MACROD2: variants seen among roughly 807,000 people sequenced by gnomAD.
MACROD2 encodes mono-ADP ribosylhydrolase 2.
Under a neutral mutation model 70.4 loss-of-function variants are expected in MACROD2, and 36 were observed. The observed-to-expected ratio is 0.51, with a 90% CI of 0.39 to 0.68. The LOEUF (loss-of-function observed/expected upper bound fraction) is 0.68, where lower values mean the gene tolerates loss of function less well. Among genes scored for constraint, MACROD2 ranks in the 30% least tolerant of loss-of-function variants. The pLI, the probability that MACROD2 is intolerant of heterozygous loss-of-function variation, is 0.00. For missense variants in MACROD2, 496 were observed against 538.4 expected, an observed-to-expected ratio of 0.92 and a Z score of 0.78; for synonymous variants, 172 against 178.8, an observed-to-expected ratio of 0.96 and a Z score of 0.30.
At chr20:14,494,311 G>A (rs991334107) in intron 4 of MACROD2, among the ~76,000 whole-genome samples, 22 of 151,878 alleles carry the variant, frequency 1.4e-4, no homozygotes, top group African/African-American at 5.1e-4. Flanking sequence ...CTTACACACA[G>A]TTGAAACAGA....
intron 6 of MACROD2, among the ~76,000 whole-genome samples, chr20:15,241,345 T>C (rs1286971627): frequency 6.6e-6 from 1 of 152,216 alleles, no homozygotes; most frequent in Non-Finnish European, 1.5e-5. Flanking sequence ...TCATTATTGT[T>C]AATAGATGGT....
intron 8 of MACROD2, among the ~76,000 whole-genome samples, chr20:15,536,661 A>G (rs1298996070): frequency 1.3e-5 from 2 of 152,196 alleles, no homozygotes; most frequent in African/African-American, 2.4e-5. Flanking sequence ...GCCCATCTAA[A>G]GATTTGTTGA....
chr20:15,244,813 A>G lies in MACROD2; in HGVS notation c.540+14752A>G, dbSNP rs1011883368. Reference sequence around the variant, plus strand: ...AACAGTAGTAAAGGCACACTCTGCAAACATTTCTGTCTGCATTACCTAAAA... The same window carrying G: ...AACAGTAGTAAAGGCACACTCTGCAGACATTTCTGTCTGCATTACCTAAAA... On this transcript the variant is annotated intron_variant, in intron 6 of 17. Transcript: ENST00000684519. Among the ~76,000 whole-genome samples the G allele has an allele frequency of 2.0e-5, 3 of 152,334 alleles. No individual in the cohort carries two copies. The East Asian group carries it at 5.8e-4, about 29-fold the overall frequency.
intron 2 of MACROD2, among the ~76,000 whole-genome samples, chr20:14,034,350 A>G (rs566571280): frequency 6.6e-6 from 1 of 152,286 alleles, no homozygotes; most frequent in African/African-American, 2.4e-5. Flanking sequence ...ATCACCCCCT[A>G]TTCATAAGCA....
chr20:15,793,525 T>G (rs1002035995), intron 8 of MACROD2, among the ~76,000 whole-genome samples: 63 of 152,216 alleles, frequency 4.1e-4, no homozygotes, highest in African/African-American at 1.4e-3. Context: ...GCATTTTAAT[T>G]TTTTCTTTAT....
intron 5 of MACROD2, among the ~76,000 whole-genome samples, chr20:15,132,430 A>T (rs1248191986): frequency 2.6e-5 from 4 of 152,050 alleles, no homozygotes; most frequent in African/African-American, 7.2e-5. Flanking sequence ...GGATGGATTG[A>T]TGAAAGAATG....
chr20:14,554,432 G>A (rs1535215), intron 4 of MACROD2: 149,248 of 152,236 alleles, frequency 0.98, 73,233 homozygotes, highest in East Asian at 1. Context: ...ATCTGTGGTG[G>A]GAATTCCAGA....
At chr20:14,413,082 T>C (rs1348602981) in intron 3 of MACROD2, among the ~76,000 whole-genome samples, 2 of 152,108 alleles carry the variant, frequency 1.3e-5, no homozygotes, top group African/African-American at 4.8e-5. Flanking sequence ...ATTACCACTT[T>C]TGGTAGGAGC....
intron 3 of MACROD2, among the ~76,000 whole-genome samples, chr20:14,371,047 C>T (rs2083317571): frequency 6.6e-6 from 1 of 152,096 alleles, no homozygotes; most frequent in Non-Finnish European, 1.5e-5. Flanking sequence ...ATAAGACAGA[C>T]AATACCAAAA....
At chr20:15,147,402 A>G (rs911256904) in intron 5 of MACROD2, among the ~76,000 whole-genome samples, 1 of 149,720 alleles carries the variant, frequency 6.7e-6, no homozygotes, top group Non-Finnish European at 1.5e-5. Flanking sequence ...GGAAAGGAGA[A>G]CTCTGTGTGT....
In MACROD2 at chr20:16,022,052, T is replaced by TTC. The variant is rs2067009240; in HGVS notation, c.1154-19148_1154-19147insCT. Among the ~76,000 whole-genome samples the TTC allele has an allele frequency of 3.5e-5, 5 of 144,080 alleles. No homozygotes were observed. In the South Asian group the frequency reaches 1.1e-3, roughly 33 times the overall value. The allele number at this position is 144,080 out of a possible 152,430, so 94.5% of individuals were successfully genotyped here. ...TGCTCCCAAAGTTTCAGTTTCTTTT[T>TTC]TTTTTTTTTTTTTTTTGAGACAGCG... On this transcript the variant is annotated intron_variant, in intron 15 of 17. Transcript: ENST00000684519.
intron 8 of MACROD2, among the ~76,000 whole-genome samples, chr20:15,592,728 A>G (rs2048695300): frequency 1.3e-5 from 2 of 152,220 alleles, no homozygotes; most frequent in Non-Finnish European, 2.9e-5. Flanking sequence ...AGCTGAAGAC[A>G]TTCTTTATTT....
chr20:15,409,349 C>G (rs1258197376), intron 6 of MACROD2, among the ~76,000 whole-genome samples: 1 of 152,148 alleles, frequency 6.6e-6, no homozygotes, highest in Non-Finnish European at 1.5e-5. Context: ...TATTTTTCCT[C>G]TTGAATAGTG....
At chr20:14,950,759 AT>A (rs1444899550) in intron 5 of MACROD2, among the ~76,000 whole-genome samples, 1 of 152,078 alleles carries the variant, frequency 6.6e-6, no homozygotes, top group Non-Finnish European at 1.5e-5. Context: ...TCTTAGAGTT[AT>A]TTCCTGGGCC....
chr20:15,952,045 G>A (rs1057012638), intron 12 of MACROD2, among the ~76,000 whole-genome samples: 1 of 152,110 alleles, frequency 6.6e-6, no homozygotes, highest in African/African-American at 2.4e-5. Flanking sequence ...GCGATAGTGA[G>A]TAAGTCTCAC....
chr20:16,033,964 G>A (rs1403629193), intron 15 of MACROD2, among the ~76,000 whole-genome samples: 2 of 151,960 alleles, frequency 1.3e-5, no homozygotes, highest in Non-Finnish European at 2.9e-5. Flanking sequence ...TTTGTTGAAT[G>A]GCATTTGTTG....
intron 7 of MACROD2, among the ~76,000 whole-genome samples, chr20:15,444,248 C>T (rs1009664502): frequency 6.6e-6 from 1 of 152,146 alleles, no homozygotes; most frequent in African/African-American, 2.4e-5. Context: ...TGTAATTAAT[C>T]TCTTTTTATT....
chr20:14,451,030 C>G (rs1039300563), intron 3 of MACROD2, among the ~76,000 whole-genome samples: 12 of 151,998 alleles, frequency 7.9e-5, no homozygotes, highest in Non-Finnish European at 1.5e-4. Context: ...TTGAGTTACC[C>G]CCAAAACACA....
chr20:14,683,405 T>C (rs376450071), intron 4 of MACROD2, among the ~76,000 whole-genome samples: 1 of 152,206 alleles, frequency 6.6e-6, no homozygotes, highest in Admixed American at 6.5e-5. Context: ...GCTTGGAGCA[T>C]GCCATATCTG....
Sources: allele counts gnomAD v4.1 joint callset (sites outside exome capture counted in the v4.1 genomes callset), GRCh38; gene constraint gnomAD v4.1.1; transcripts MANE v1.5; gene names NCBI Gene and HGNC (gene_info 2026-07-23, HGNC 2026-07-21).